SPINK5: variants seen among roughly 807,000 people sequenced by gnomAD.
The protein encoded by SPINK5 is serine protease inhibitor Kazal-type 5.
A neutral mutation model predicts 151.8 loss-of-function variants in SPINK5; 125 were observed. The observed-to-expected ratio is 0.82, with a 90% CI of 0.71 to 0.96. The LOEUF is 0.96. SPINK5 is among the 40% of genes least tolerant of loss of function. The pLI, the probability that SPINK5 is intolerant of heterozygous loss-of-function variation, is 0.00. For missense variants in SPINK5, 1,194 were observed against 1,291.9 expected (o/e 0.92, Z 1.16); for synonymous variants, 374 against 395.3 (o/e 0.95, Z 0.64).
At chr5:148,105,054 A>C (rs1335300209) in intron 16 of SPINK5, 54 bp downstream of exon 16, 21 of 1,545,254 alleles carry the variant, frequency 1.4e-5, no homozygotes, top group Non-Finnish European at 1.8e-5. Context: ...ATTTCTTTAT[A>C]ATTCTTTACT....
chr5:148,114,779 C>G (rs1754041764), intron 21 of SPINK5, among the ~76,000 whole-genome samples: 1 of 152,140 alleles, frequency 6.6e-6, no homozygotes, highest in South Asian at 2.1e-4. Flanking sequence ...CAAGTGGATC[C>G]TTTCTCTGGA....
intron 31 of SPINK5, among the ~76,000 whole-genome samples, chr5:148,133,329 T>G (rs1396603805): frequency 6.6e-6 from 1 of 152,212 alleles, no homozygotes; most frequent in Non-Finnish European, 1.5e-5. Context: ...CATGTCTGAT[T>G]CATAATATTT....
intron 32 of SPINK5, among the ~76,000 whole-genome samples, chr5:148,134,652 CAAAGTATGAATTTAGAAAAAGAGTCG>C (rs1376267640): frequency 2.0e-5 from 3 of 151,816 alleles, no homozygotes; most frequent in African/African-American, 7.3e-5. Context: ...TGCCTAAGAC[CAAAGTATGAATTTAGAAAAAGAGTCG>C]AAAGTATGAA....
rs908908678 is a variant in SPINK5, at chr5:148,122,379, G to A, written c.2539-1454G>A. 2.5e-4 allele frequency among the ~76,000 whole-genome samples: 38 copies of A among 152,110 alleles called. 1 individual carries two copies. The highest frequency in any genetic ancestry group is 8.0e-4 in the African/African-American group (33 of 41,420). ...TTTAAAATGCTGCAATTAAAAGTAA[G>A]GCCTGGAATTGTTTGTTTACGGACA... is the stretch of plus-strand genomic sequence containing the variant. On this transcript the variant is annotated intron_variant, in intron 26 of 32. Transcript: ENST00000256084.
In SPINK5 at chr5:148,067,013, GT is replaced by G. The variant is rs533402356; in HGVS notation, c.81+1644del. Among the ~76,000 whole-genome samples, 834 of 152,290 alleles carry G rather than the reference GT, an allele frequency of 5.5e-3. 2 individuals carry two copies. The highest frequency in any genetic ancestry group is 8.7e-3 in the Non-Finnish European group (593 of 68,010). On this transcript the variant is annotated intron_variant, in intron 2 of 32. Coordinates refer to ENST00000256084, the MANE Select transcript of SPINK5 (RefSeq NM_006846.4). ...TGCTGTGATTTTGGTTATTTTCCAA[GT>G]TTAGTAGCTTGGGTTCCTTTCAGCA...
intron 8 of SPINK5, among the ~76,000 whole-genome samples, chr5:148,092,666 C>T (rs919586686): frequency 1.3e-5 from 2 of 151,806 alleles, no homozygotes; most frequent in African/African-American, 4.8e-5. Flanking sequence ...TGAATCACAA[C>T]TTATAAACTG....
chr5:148,131,497 T>G lies in SPINK5; in HGVS notation c.3095+108T>G, dbSNP rs1475872225. ...AAATTCGAAATGTGTTGCAAGTAAT[T>G]TATTCATCATAGAAGTTAAAAATTC... On this transcript the variant is annotated intron_variant, in intron 31 of 32. Transcript: ENST00000256084. 7 of 1,492,018 alleles carry G rather than the reference T, an allele frequency of 4.7e-6. No individual in the cohort carries two copies. In the East Asian group the frequency reaches 9.1e-5, roughly 19 times the overall value. 92.4% of individuals were successfully genotyped at this position (1,492,018 alleles called of 1,614,324 possible). A position where few individuals can be genotyped will look rare whatever the true frequency, so the allele number is the denominator to read the frequency against.
intron 32 of SPINK5, 128 bp downstream of exon 32, chr5:148,134,015 G>T (rs373566198): frequency 3.5e-6 from 3 of 868,606 alleles, no homozygotes; most frequent in Non-Finnish European, 5.7e-6. Context: ...AGGTGACCCA[G>T]AATTGGTCAC....
At position 148,063,999 on chromosome 5, in the gene SPINK5, A is replaced by G; in HGVS notation, c.-46A>G. On this transcript the variant is annotated 5_prime_UTR_variant, in exon 1 of 33. Coordinates refer to ENST00000256084, the MANE Select transcript of SPINK5 (RefSeq NM_006846.4). ...GAGTTCAGTCATACTGCACCAGCTG[A>G]GCAATGCATGGAGTGGACCTGTAGG... 1 of 1,606,926 alleles carries G rather than the reference A, an allele frequency of 6.2e-7. No homozygotes were observed. The highest frequency in any genetic ancestry group is 8.5e-7 in the Non-Finnish European group (1 of 1,173,526).
chr5:148,069,427 A>T (rs1434785051), intron 2 of SPINK5, among the ~76,000 whole-genome samples: 1 of 131,920 alleles, frequency 7.6e-6, no homozygotes, highest in Non-Finnish European at 1.6e-5. Context: ...CAAACATAGT[A>T]GGATTTTAGT....
Position 148,101,902 on chromosome 5 carries a change from C to T in SPINK5, c.1424C>T (p.Ala475Val), listed in dbSNP as rs770900480. ...MHGNTCSMCE[A>V]FFQQEERARA... ...GGCAACACCTGCTCCATGTGTGAGGCCTTCTTGTGAGTAGAGCAGTAGCCC... is the reference window on the plus strand; with the variant it reads ...GGCAACACCTGCTCCATGTGTGAGGTCTTCTTGTGAGTAGAGCAGTAGCCC... The change falls in exon 15 of 33, where the codon GCC becomes GTC. Residue 475 changes from alanine to valine, a missense_variant. By Grantham distance (64) the Ala-to-Val change is moderately conservative. Coordinates refer to ENST00000256084, the MANE Select transcript of SPINK5 (RefSeq NM_006846.4). 3 of 1,613,514 alleles carry T rather than the reference C, an allele frequency of 1.9e-6. No individual in the cohort carries two copies. Among genetic ancestry groups the T allele is most frequent in the Non-Finnish European group, 2.5e-6 (3 of 1,179,604 alleles).
At chr5:148,099,144 G>T in intron 11 of SPINK5, 90 bp from the exon 12 acceptor site, 1 of 1,217,692 alleles carries the variant, frequency 8.2e-7, no homozygotes, top group South Asian at 1.3e-5. Flanking sequence ...CCACTCTAAG[G>T]AGGGAGAACA....
chr5:148,071,898 G>C (rs932306270), intron 3 of SPINK5, among the ~76,000 whole-genome samples: 5 of 151,986 alleles, frequency 3.3e-5, no homozygotes, highest in African/African-American at 9.7e-5. Flanking sequence ...CTGGCTGTTG[G>C]AAGTATTCCA....
intron 26 of SPINK5, among the ~76,000 whole-genome samples, chr5:148,122,807 A>G (rs1022950061): frequency 1.3e-5 from 2 of 150,132 alleles, no homozygotes; most frequent in Non-Finnish European, 3.0e-5. Flanking sequence ...ATCTTATAAG[A>G]TTTTTACAAC....
intron 3 of SPINK5, among the ~76,000 whole-genome samples, chr5:148,071,869 T>C (rs1467557948): frequency 6.6e-6 from 1 of 152,044 alleles, no homozygotes; most frequent in African/African-American, 2.4e-5. Flanking sequence ...TGCAGATAGC[T>C]TTGAGAGTTG....
At position 148,094,367 on chromosome 5, in the gene SPINK5, A is replaced by G; in HGVS notation, c.680A>G (p.Glu227Gly). Residue 227 changes from glutamate to glycine, a missense_variant, in exon 9 of 33, where the codon GAA (glutamate) becomes GGA (glycine). Transcript: ENST00000256084. ...GTCTTTTCAAAGGATTTTTGCAAGGAATATGAAAAACAAGTGAGAAATGGA... is the reference window on the plus strand; with the variant it reads ...GTCTTTTCAAAGGATTTTTGCAAGGGATATGAAAAACAAGTGAGAAATGGA... ...RRNAEKDFCK[E>G]YEKQVRNGRL... 6.2e-7 allele frequency: 1 copy of G among 1,612,502 alleles called. No homozygotes were observed. The highest frequency in any genetic ancestry group is 1.1e-5 in the South Asian group (1 of 91,072).
chr5:148,072,033 G>A, intron 3 of SPINK5, 115 bp from the exon 4 acceptor site: 1 of 938,088 alleles, frequency 1.1e-6, no homozygotes, highest in African/African-American at 1.6e-5. Context: ...TACCAATTTT[G>A]ACATGCCAGG....
At chr5:148,126,622 C>T (rs1250833123) in intron 29 of SPINK5, among the ~76,000 whole-genome samples, 1 of 151,730 alleles carries the variant, frequency 6.6e-6, no homozygotes, top group African/African-American at 2.4e-5. Context: ...GACAGAGTCT[C>T]ACTCTGTTGC....
At chr5:148,113,083 C>A (rs1753987250) in intron 20 of SPINK5, 149 bp downstream of exon 20, 4 of 1,282,872 alleles carry the variant, frequency 3.1e-6, no homozygotes, top group East Asian at 5.1e-5. Context: ...CTTAACAGAA[C>A]AGATAGCAGA....
Sources: allele counts gnomAD v4.1 joint callset (sites outside exome capture counted in the v4.1 genomes callset), GRCh38; gene constraint gnomAD v4.1.1; transcripts MANE v1.5; gene names NCBI Gene and HGNC (gene_info 2026-07-23, HGNC 2026-07-21).